The following EEF2KMT variants were observed in gnomAD, a reference collection of about 807,000 sequenced individuals.
The protein encoded by EEF2KMT is eukaryotic elongation factor 2 lysine methyltransferase, also known as protein-lysine N-methyltransferase EEF2KMT.
In EEF2KMT, 30 loss-of-function variants were observed where a neutral mutation model predicts 35.1. The ratio of observed to expected loss-of-function variants is 0.85; its 90% CI spans 0.64 to 1.16. The LOEUF (loss-of-function observed/expected upper bound fraction) is 1.16, where lower values mean the gene tolerates loss of function less well. Ranked by LOEUF, EEF2KMT falls within the 50% of genes most tolerant of loss-of-function variation. The probability of loss-of-function intolerance (pLI) is 0.00; values close to 1 mark genes in which losing one functional copy is unlikely to be tolerated. For missense variants in EEF2KMT, 499 were observed against 438.2 expected (o/e 1.14, Z -1.24); for synonymous variants, 190 against 187.7 (o/e 1.01, Z -0.10).
chr16:5,095,847 A>G (rs12929151), intron 1 of EEF2KMT, among the ~76,000 whole-genome samples: 31,804 of 47,166 alleles, frequency 0.67, 12,226 homozygotes, highest in Middle Eastern at 0.82. Flanking sequence ...CTAAGTGGAG[A>G]TGCAGAATGT....
In EEF2KMT at chr16:5,090,929, T is replaced by C. The variant is rs547077294; in HGVS notation, c.343-364A>G. Among the ~76,000 whole-genome samples the C allele has an allele frequency of 1.2e-3, 179 of 152,286 alleles. 2 individuals are homozygous for C. Among genetic ancestry groups the C allele is most frequent in the African/African-American group, 4.2e-3 (174 of 41,556 alleles). ...TTTGTGGTTTTCTGTATCTATGTTT[T>C]ATCTTATTTTTTTTTGAGCTCTGTC... On this transcript the variant is annotated intron_variant, in intron 4 of 7. Coordinates refer to ENST00000427587, the MANE Select transcript of EEF2KMT (RefSeq NM_201400.4). This position sits in a 1 kb window ranked among gnomAD's most constrained non-coding sequence, Gnocchi z 4.1.
rs751421052 is a variant in EEF2KMT, at chr16:5,090,061, G to C, written c.742+23C>G. ...GAGCTGCAAGGACACCACCTGCACA[G>C]GGTGCCCGGGGCTGGGCATTACCTG... is the stretch of plus-strand genomic sequence containing the variant. On this transcript the variant is annotated intron_variant, in intron 6 of 7. Transcript: ENST00000427587. The surrounding 1 kb of genome is among the most constrained non-coding windows in gnomAD (Gnocchi z 4.1). 1.2e-6 allele frequency: 2 copies of C among 1,600,384 alleles called. No individual in the cohort carries two copies. Among genetic ancestry groups the C allele is most frequent in the Non-Finnish European group, 1.7e-6 (2 of 1,179,776 alleles).
rs1957393130 is a variant in EEF2KMT, at chr16:5,093,676, G to C, written c.160-112C>G. ...CCAGGCTACCCGATCCCTCAGCAAA[G>C]ATGTAGATGGACACAGCGTTTTGGC... On this transcript the variant is annotated intron_variant, in intron 2 of 7. Coordinates refer to ENST00000427587, the MANE Select transcript of EEF2KMT (RefSeq NM_201400.4). 72 of 1,551,142 alleles carry C rather than the reference G, an allele frequency of 4.6e-5. 1 individual carries two copies. The South Asian group carries it at 8.4e-4, about 18-fold the overall frequency.
chr16:5,092,016 C>G lies in EEF2KMT; in HGVS notation c.241-121G>C, dbSNP rs1318220692. On this transcript the variant is annotated intron_variant, in intron 3 of 7. Coordinates refer to ENST00000427587, the MANE Select transcript of EEF2KMT (RefSeq NM_201400.4). ...GGAATGGTATAATACCGGCCAGCTGCCATATAAAATATTCACTTCGTTGGG... is the reference window on the plus strand; with the variant it reads ...GGAATGGTATAATACCGGCCAGCTGGCATATAAAATATTCACTTCGTTGGG... The G allele has an allele frequency of 1.4e-5, 22 of 1,522,646 alleles. 1 individual carries two copies. The highest frequency in any genetic ancestry group is 8.4e-5 in the Admixed American group (4 of 47,460). 94.3% of individuals were successfully genotyped at this position (1,522,646 alleles called of 1,614,324 possible).
In EEF2KMT at chr16:5,085,137, A is replaced by G; in HGVS notation, c.*495T>C. The stretch of plus-strand genomic sequence containing the variant: ...CGCCCCATGCCCCTGCTAGCGTATT[A>G]CTGTTCTGTGACTTCCCTGTGACCT... On this transcript the variant is annotated 3_prime_UTR_variant, in exon 8 of 8. Coordinates refer to ENST00000427587, the MANE Select transcript of EEF2KMT (RefSeq NM_201400.4). 3.0e-6 allele frequency: 2 copies of G among 656,846 alleles called. No individual in the cohort carries two copies. The highest frequency in any genetic ancestry group is 5.1e-6 in the Non-Finnish European group (2 of 390,288). The allele number at this position is 656,846 out of a possible 1,614,324, so 40.7% of individuals were successfully genotyped here. A position where few individuals can be genotyped will look rare whatever the true frequency, so the allele number is the denominator to read the frequency against.
At position 5,085,133 on chromosome 16, in the gene EEF2KMT, TA is replaced by T; in HGVS notation, c.*498del. 1.5e-6 allele frequency: 1 copy of T among 664,532 alleles called. No individual in the cohort carries two copies. The highest frequency in any genetic ancestry group is 2.5e-6 in the Non-Finnish European group (1 of 396,430). 41.2% of individuals were successfully genotyped at this position (664,532 alleles called of 1,614,324 possible). ...TTCACGCCCCATGCCCCTGCTAGCG[TA>T]TTACTGTTCTGTGACTTCCCTGTGA... On this transcript the variant is annotated 3_prime_UTR_variant, in exon 8 of 8. Transcript: ENST00000427587.
intron 3 of EEF2KMT, among the ~76,000 whole-genome samples, chr16:5,092,189 G>A (rs1172914842): frequency 6.6e-6 from 1 of 152,110 alleles, no homozygotes; most frequent in Non-Finnish European, 1.5e-5. Context: ...TGGATGGGAG[G>A]GCCTTGAACC....
At chr16:5,095,628 G>C in intron 1 of EEF2KMT, 114 bp from the exon 2 acceptor site, 1 of 1,527,766 alleles carries the variant, frequency 6.5e-7, no homozygotes, top group Non-Finnish European at 9.0e-7. Context: ...CGTGGAGCCA[G>C]TTGGAAGTGG....
At position 5,089,352 on chromosome 16, in the gene EEF2KMT, A is replaced by G. The variant is rs1957291735; in HGVS notation, c.743-96T>C. On this transcript the variant is annotated intron_variant, in intron 6 of 7. Transcript: ENST00000427587. Reference sequence around the variant, plus strand: ...GGGCGAGGCCAGAGAGGCAGCGGTCATATGAGACTAGTAGATGCCATTTGA... The same window carrying G: ...GGGCGAGGCCAGAGAGGCAGCGGTCGTATGAGACTAGTAGATGCCATTTGA... The G allele has an allele frequency of 2.4e-5, 37 of 1,515,532 alleles. 1 individual carries two copies. The South Asian group carries it at 4.2e-4, about 17-fold the overall frequency. 93.9% of individuals were successfully genotyped at this position (1,515,532 alleles called of 1,614,324 possible).
At chr16:5,093,746 A>T (rs1478485161) in intron 2 of EEF2KMT, among the ~76,000 whole-genome samples, 182 bp from the exon 3 acceptor site, 5 of 152,194 alleles carry the variant, frequency 3.3e-5, no homozygotes, top group Non-Finnish European at 7.3e-5. Flanking sequence ...TGTTTCCTAA[A>T]AATGCTTCCA....
chr16:5,097,475 C>G (rs963121338), intron 1 of EEF2KMT, 169 bp downstream of exon 1: 201 of 1,410,656 alleles, frequency 1.4e-4, no homozygotes, highest in Non-Finnish European at 1.8e-4. Flanking sequence ...GGGGTGCGAG[C>G]GACTCTGGCC....
intron 1 of EEF2KMT, among the ~76,000 whole-genome samples, chr16:5,096,601 G>C (rs1201503634): frequency 6.6e-6 from 1 of 152,206 alleles, no homozygotes; most frequent in Non-Finnish European, 1.5e-5. Context: ...AGCACAGAGA[G>C]ATGCAGTCAC....
rs527512215 is a variant in EEF2KMT at position 5,085,048 on chromosome 16, T to C, written c.*584A>G. 11 of 1,312,712 alleles carry C rather than the reference T, an allele frequency of 8.4e-6. No homozygotes were observed. In the East Asian group the frequency reaches 2.7e-4, roughly 32 times the overall value. The allele number at this position is 1,312,712 out of a possible 1,614,324, so 81.3% of individuals were successfully genotyped here. A position where few individuals can be genotyped will look rare whatever the true frequency, so the allele number is the denominator to read the frequency against. ...GAATTGGTTCTGTGACCCGGGAAGC[T>C]TTGGTTGGCCTTGATTTCTTCTCTG... is the stretch of plus-strand genomic sequence containing the variant. On this transcript the variant is annotated 3_prime_UTR_variant, in exon 8 of 8. Transcript: ENST00000427587.
chr16:5,095,114 AAAAG>A (rs1277648887), intron 2 of EEF2KMT, among the ~76,000 whole-genome samples: 2 of 152,212 alleles, frequency 1.3e-5, no homozygotes, highest in Non-Finnish European at 2.9e-5. Context: ...ATGAAAGCAA[AAAAG>A]AAAGTCTCTG....
intron 7 of EEF2KMT, among the ~76,000 whole-genome samples, chr16:5,088,369 C>G (rs985456147): frequency 6.6e-6 from 1 of 152,178 alleles, no homozygotes; most frequent in South Asian, 2.1e-4. Flanking sequence ...GTCTGTGTCT[C>G]TGTGTGCAGG....
chr16:5,096,807 TAC>T (rs1957478248), intron 1 of EEF2KMT, among the ~76,000 whole-genome samples: 3 of 152,222 alleles, frequency 2.0e-5, no homozygotes, highest in Admixed American at 1.3e-4. Context: ...TGTGAACAAT[TAC>T]AGTCAATACT....
chr16:5,091,693 G>A (rs1957343297), intron 4 of EEF2KMT, 101 bp downstream of exon 4: 6 of 1,556,466 alleles, frequency 3.9e-6, no homozygotes, highest in Non-Finnish European at 5.2e-6. Flanking sequence ...TAAGACTGTA[G>A]AATGGGTGAG....
At chr16:5,093,431 C>G (rs77214220) in intron 3 of EEF2KMT, 53 bp downstream of exon 3, 66,289 of 1,595,796 alleles carry the variant, frequency 0.042, 1,775 homozygotes, top group East Asian at 0.16. Flanking sequence ...GGGGCTCCAG[C>G]ACGCAGGTGG....
intron 7 of EEF2KMT, among the ~76,000 whole-genome samples, chr16:5,086,110 C>T (rs1345416534): frequency 2.0e-5 from 3 of 152,094 alleles, no homozygotes; most frequent in Non-Finnish European, 2.9e-5. Context: ...CCAAGGCGGG[C>T]GGATCACTTG....
Sources: allele counts gnomAD v4.1 joint callset (sites outside exome capture counted in the v4.1 genomes callset), GRCh38; gene constraint gnomAD v4.1.1; non-coding constraint Gnocchi (gnomAD v3.1); transcripts MANE v1.5; gene names NCBI Gene and HGNC (gene_info 2026-07-23, HGNC 2026-07-21).